The following EYS variants were observed in gnomAD, a reference collection of about 807,000 sequenced individuals.
EYS encodes the protein EGF-like photoreceptor maintenance factor.
Under a neutral mutation model 282.1 loss-of-function variants are expected in EYS, and 250 were observed. The observed-to-expected ratio is 0.89, with a 90% CI of 0.80 to 0.98. EYS has a LOEUF of 0.98. Among genes scored for constraint, EYS ranks in the 50% least tolerant of loss-of-function variants. The pLI, the probability that EYS is intolerant of heterozygous loss-of-function variation, is 0.00. For synonymous variants in EYS, 1,355 were observed against 1,282.9 expected, an observed-to-expected ratio of 1.06 and a Z score of -1.20; for missense variants, 4,016 against 3,709.0, an observed-to-expected ratio of 1.08 and a Z score of -2.15.
intron 12 of EYS, among the ~76,000 whole-genome samples, chr6:65,127,850 C>A (rs1158601406): frequency 6.6e-6 from 1 of 152,030 alleles, no homozygotes; most frequent in Non-Finnish European, 1.5e-5. Flanking sequence ...GTGTGTGCAA[C>A]TTTCCTCTCA....
rs1277119065 is a variant in EYS, at chr6:64,394,137, G to C, written c.5928-5297C>G. ...CTGCTCAATTAAATAAAAGAGGACA[G>C]AAACAAATGGAAGAACATTCCATGC... On this transcript the variant is annotated intron_variant, in intron 28 of 42. Coordinates refer to ENST00000503581, the MANE Select transcript of EYS (RefSeq NM_001142800.2). Among the ~76,000 whole-genome samples the C allele has an allele frequency of 4.6e-5, 7 of 152,174 alleles. No individual in the cohort carries two copies. In the East Asian group the frequency reaches 5.8e-4, roughly 13 times the overall value.
intron 14 of EYS, among the ~76,000 whole-genome samples, chr6:64,961,792 A>G (rs1339631995): frequency 6.6e-6 from 1 of 152,114 alleles, no homozygotes; most frequent in African/African-American, 2.4e-5. Flanking sequence ...TTGAGCCCTT[A>G]TGCTATTAGG....
intron 22 of EYS, among the ~76,000 whole-genome samples, chr6:64,794,570 C>T (rs1003841319): frequency 2.6e-5 from 4 of 152,132 alleles, no homozygotes; most frequent in Non-Finnish European, 5.9e-5. Flanking sequence ...AAGCAGAAGC[C>T]TGACCAGAGC....
At chr6:65,665,587 A>G (rs1185282098) in intron 1 of EYS, among the ~76,000 whole-genome samples, 1 of 152,128 alleles carries the variant, frequency 6.6e-6, no homozygotes, top group Non-Finnish European at 1.5e-5. Context: ...ATGTTATAAT[A>G]TGAAATTGTG....
At chr6:63,735,048 A>G (rs1015676594) in intron 41 of EYS, among the ~76,000 whole-genome samples, 6 of 152,168 alleles carry the variant, frequency 3.9e-5, no homozygotes, top group Non-Finnish European at 7.4e-5. Context: ...TATTATATTT[A>G]CATTTACAGA....
At chr6:64,438,871 A>AT (rs1774837754) in intron 27 of EYS, among the ~76,000 whole-genome samples, 1 of 151,594 alleles carries the variant, frequency 6.6e-6, no homozygotes, top group Non-Finnish European at 1.5e-5. Context: ...TGACAATTAT[A>AT]TTTTTTAAAT....
chr6:65,643,943 T>C (rs1459468569), intron 1 of EYS, among the ~76,000 whole-genome samples: 3 of 152,128 alleles, frequency 2.0e-5, no homozygotes, highest in Non-Finnish European at 4.4e-5. Flanking sequence ...GTCCCAGATC[T>C]TCCCTCTGAC....
At chr6:64,310,998 T>G (rs1582577579) in intron 29 of EYS, among the ~76,000 whole-genome samples, 2 of 152,078 alleles carry the variant, frequency 1.3e-5, no homozygotes, top group Non-Finnish European at 1.5e-5. Flanking sequence ...ATAATGGTGA[T>G]AGTTGATAGT....
intron 2 of EYS, among the ~76,000 whole-genome samples, chr6:65,526,253 G>A (rs558472518): frequency 6.6e-6 from 1 of 152,088 alleles, no homozygotes; most frequent in Non-Finnish European, 1.5e-5. Context: ...ATATGATTTG[G>A]GGAATTAAGT....
intron 5 of EYS, among the ~76,000 whole-genome samples, chr6:65,459,968 T>TTATATATATATATATATA (rs34762215): frequency 3.7e-5 from 3 of 80,670 alleles, no homozygotes; most frequent in Non-Finnish European, 7.8e-5. Context: ...TTTGTGTATT[T>TTATATATATATATATATA]TATATATATA....
intron 5 of EYS, among the ~76,000 whole-genome samples, chr6:65,416,821 G>A (rs763698364): frequency 5.9e-5 from 9 of 151,990 alleles, no homozygotes; most frequent in Non-Finnish European, 1.2e-4. Context: ...ACATCACCAA[G>A]TAGGATGATA....
intron 26 of EYS, among the ~76,000 whole-genome samples, chr6:64,581,173 G>T (rs1239387821): frequency 6.6e-6 from 1 of 152,104 alleles, no homozygotes; most frequent in Admixed American, 6.6e-5. Flanking sequence ...AAGATGAGTG[G>T]AAAGAGAGGA....
At chr6:64,710,543 T>G (rs1771174247) in intron 22 of EYS, among the ~76,000 whole-genome samples, 1 of 152,220 alleles carries the variant, frequency 6.6e-6, no homozygotes, top group Admixed American at 6.5e-5. Flanking sequence ...TCTGGCCCAC[T>G]CCCACCCTGT....
intron 31 of EYS, among the ~76,000 whole-genome samples, chr6:64,177,627 A>G (rs746109797): frequency 1.3e-5 from 2 of 152,100 alleles, no homozygotes; most frequent in Admixed American, 6.6e-5. Flanking sequence ...AATAATGTTT[A>G]CTGAGGCTTA....
At chr6:64,270,152 A>G (rs1767893455) in intron 30 of EYS, among the ~76,000 whole-genome samples, 1 of 152,116 alleles carries the variant, frequency 6.6e-6, no homozygotes, top group African/African-American at 2.4e-5. Flanking sequence ...TTTTCAATTC[A>G]ACCATTTTTA....
chr6:63,840,323 C>T (rs888308009), intron 36 of EYS, among the ~76,000 whole-genome samples: 3 of 151,800 alleles, frequency 2.0e-5, no homozygotes, highest in Non-Finnish European at 2.9e-5. Context: ...CTCGGCCTCC[C>T]AAAGTGCTGG....
At chr6:64,731,133 A>G (rs1771949238) in intron 22 of EYS, 1 of 152,168 alleles carries the variant, frequency 6.6e-6, no homozygotes. Flanking sequence ...TTAACTCAAG[A>G]TAGATTAAAT....
In EYS at chr6:64,555,715, T is replaced by A. The variant is rs576192922; in HGVS notation, c.5644+34508A>T. On this transcript the variant is annotated intron_variant, in intron 26 of 42. Coordinates refer to ENST00000503581, the MANE Select transcript of EYS (RefSeq NM_001142800.2). The stretch of plus-strand genomic sequence containing the variant: ...GTCAAAGTTATTATAATAATGAAAA[T>A]GATCAAATCAGGGTAATTGGGATAT... Among the ~76,000 whole-genome samples the A allele has an allele frequency of 3.3e-5, 5 of 151,944 alleles. No individual in the cohort carries two copies. The South Asian group carries it at 1.0e-3, about 31-fold the overall frequency.
chr6:65,371,708 C>CCTCTCT (rs140879689), intron 8 of EYS, among the ~76,000 whole-genome samples: 20 of 119,166 alleles, frequency 1.7e-4, no homozygotes, highest in African/African-American at 5.6e-4. Context: ...TCTCTCTCTC[C>CCTCTCT]CTCTCTCTCT....
Sources: allele counts gnomAD v4.1 joint callset (sites outside exome capture counted in the v4.1 genomes callset), GRCh38; gene constraint gnomAD v4.1.1; transcripts MANE v1.5; gene names NCBI Gene and HGNC (gene_info 2026-07-23, HGNC 2026-07-21).